The following ZNF423 variants were observed in gnomAD, a reference collection of about 807,000 sequenced individuals.
ZNF423 encodes the protein zinc finger protein 423, also known as Ebf-associated zinc finger protein.
ZNF423 carries 12 observed loss-of-function variants against 95.8 expected under a neutral mutation model. The ratio of observed to expected loss-of-function variants is 0.13; its 90% confidence interval spans 0.08 to 0.20. The LOEUF is 0.20. Ranked by LOEUF, ZNF423 falls within the 10% of genes least tolerant of loss-of-function variation. ZNF423 has a pLI of 1.00. For synonymous variants in ZNF423, 749 were observed against 711.9 expected (o/e 1.05, Z -0.83); for missense variants, 1,316 against 1,737.1 (o/e 0.76, Z 4.31).
At chr16:49,528,949 C>T (rs576446305) in intron 5 of ZNF423, among the ~76,000 whole-genome samples, 53 of 151,756 alleles carry the variant, frequency 3.5e-4, no homozygotes, top group African/African-American at 1.2e-3. Flanking sequence ...CAGGGTCCGC[C>T]GATAGTGGCA....
intron 1 of ZNF423, among the ~76,000 whole-genome samples, chr16:49,843,699 G>C (rs2035214535): frequency 1.3e-5 from 2 of 152,112 alleles, no homozygotes; most frequent in African/African-American, 4.8e-5. Context: ...TCTTGACTCA[G>C]ACCTTCAGGG....
intron 2 of ZNF423, among the ~76,000 whole-genome samples, chr16:49,764,102 T>C (rs937395750): frequency 2.0e-5 from 3 of 152,192 alleles, no homozygotes; most frequent in Admixed American, 6.5e-5. Context: ...TGTACTTTTC[T>C]CAGGCCAAAG....
At chr16:49,596,131 C>G (rs1971170933) in intron 5 of ZNF423, among the ~76,000 whole-genome samples, 2 of 152,116 alleles carry the variant, frequency 1.3e-5, no homozygotes, top group African/African-American at 4.8e-5. Context: ...GCAAATTATC[C>G]AGGAAATAGC....
At chr16:49,749,539 T>A (rs576786084) in intron 2 of ZNF423, among the ~76,000 whole-genome samples, 83 of 152,392 alleles carry the variant, frequency 5.4e-4, no homozygotes, top group African/African-American at 1.9e-3. Flanking sequence ...CTTGGGGCTG[T>A]GACCACTTTG....
At chr16:49,510,621 G>A (rs921093804) in intron 7 of ZNF423, among the ~76,000 whole-genome samples, 2 of 152,206 alleles carry the variant, frequency 1.3e-5, no homozygotes, top group Admixed American at 1.3e-4. Context: ...AGGAGTGTCT[G>A]TGTCTGTGTC....
intron 5 of ZNF423, among the ~76,000 whole-genome samples, chr16:49,601,407 C>T (rs974754029): frequency 6.6e-6 from 1 of 152,192 alleles, no homozygotes; most frequent in East Asian, 1.9e-4. Context: ...CATATAAGTG[C>T]TATACACTCA....
intron 4 of ZNF423, 25 bp from the exon 5 acceptor site, chr16:49,626,279 A>T (rs775520087): frequency 1.9e-6 from 3 of 1,610,768 alleles, no homozygotes; most frequent in Non-Finnish European, 2.5e-6. Context: ...AAAATAAAAG[A>T]TTTAGAGAGG....
intron 2 of ZNF423, among the ~76,000 whole-genome samples, chr16:49,765,008 C>G (rs1362310604): frequency 6.6e-6 from 1 of 151,770 alleles, no homozygotes; most frequent in Admixed American, 6.6e-5. Flanking sequence ...ATTTGCCCGC[C>G]TCATCTCCCA....
chr16:49,784,704 C>G (rs11640615), intron 2 of ZNF423, among the ~76,000 whole-genome samples: 18,075 of 152,102 alleles, frequency 0.12, 1,534 homozygotes, highest in Admixed American at 0.24. Context: ...AATCCCAGTA[C>G]TTTGGGAGGC....
chr16:49,655,914 C>T (rs987999237), intron 3 of ZNF423, among the ~76,000 whole-genome samples: 2 of 152,188 alleles, frequency 1.3e-5, no homozygotes, highest in African/African-American at 4.8e-5. Flanking sequence ...GCACTGAATG[C>T]TAAGTGGGTG....
chr16:49,601,980 G>A (rs578260348), intron 5 of ZNF423, among the ~76,000 whole-genome samples: 3 of 152,332 alleles, frequency 2.0e-5, no homozygotes, highest in African/African-American at 4.8e-5. Flanking sequence ...TTTGGCTGTG[G>A]AGACTTGTTC....
intron 7 of ZNF423, among the ~76,000 whole-genome samples, chr16:49,505,870 C>T (rs902738838): frequency 6.6e-6 from 1 of 152,196 alleles, no homozygotes; most frequent in Non-Finnish European, 1.5e-5. Context: ...ACCCAGCCTC[C>T]AACCAAACAG....
At chr16:49,695,219 T>C (rs2031923998) in intron 3 of ZNF423, among the ~76,000 whole-genome samples, 2 of 152,258 alleles carry the variant, frequency 1.3e-5, no homozygotes, top group African/African-American at 4.8e-5. Flanking sequence ...GTTCAAGTGA[T>C]TCTTGTGCCT....
intron 1 of ZNF423, among the ~76,000 whole-genome samples, chr16:49,850,856 C>T (rs945746474): frequency 1.3e-5 from 2 of 152,216 alleles, no homozygotes; most frequent in Admixed American, 6.5e-5. Context: ...AAGCCACTGA[C>T]ATCTCACAGC....
intron 2 of ZNF423, among the ~76,000 whole-genome samples, chr16:49,732,129 AG>A (rs1287775088): frequency 2.0e-5 from 3 of 152,182 alleles, no homozygotes; most frequent in African/African-American, 7.2e-5. Context: ...TTTGTCTCAC[AG>A]GTAAGGTACC....
At chr16:49,737,081 C>T (rs1325633924) in intron 2 of ZNF423, among the ~76,000 whole-genome samples, 1 of 151,968 alleles carries the variant, frequency 6.6e-6, no homozygotes, top group African/African-American at 2.4e-5. Context: ...CACACTGCCC[C>T]ATTTCGATGA....
chr16:49,717,721 G>T (rs1283818448), intron 3 of ZNF423, among the ~76,000 whole-genome samples: 1 of 152,178 alleles, frequency 6.6e-6, no homozygotes, highest in Admixed American at 6.5e-5. Flanking sequence ...TCTGACACTG[G>T]TCGGCAGGGA....
At chr16:49,742,143 G>T (rs74018915) in intron 2 of ZNF423, among the ~76,000 whole-genome samples, 2,059 of 152,302 alleles carry the variant, frequency 0.014, 49 homozygotes, top group African/African-American at 0.047. Flanking sequence ...TGGTCACAAG[G>T]ACCTTGTTTT....
intron 3 of ZNF423, among the ~76,000 whole-genome samples, chr16:49,722,556 C>G (rs1028978776): frequency 1.3e-4 from 20 of 152,230 alleles, no homozygotes; most frequent in African/African-American, 4.6e-4. Context: ...AACGAACCAT[C>G]TCTTCCATCT....
Sources: allele counts gnomAD v4.1 joint callset (sites outside exome capture counted in the v4.1 genomes callset), GRCh38; gene constraint gnomAD v4.1.1; transcripts MANE v1.5; gene names NCBI Gene and HGNC (gene_info 2026-07-23, HGNC 2026-07-21).